GABBR2: variants seen among roughly 807,000 people sequenced by gnomAD.
The protein encoded by GABBR2 is G-protein coupled receptor 51.
A neutral mutation model predicts 105.6 loss-of-function variants in GABBR2; 23 were observed. The observed-to-expected ratio is 0.22, with a 90% CI of 0.16 to 0.31. The LOEUF (loss-of-function observed/expected upper bound fraction) is 0.31. Among genes scored for constraint, GABBR2 ranks in the 10% least tolerant of loss-of-function variants. GABBR2 has a pLI of 1.00. For missense variants in GABBR2, 734 were observed against 1,245.5 expected (o/e 0.59, Z 6.18); for synonymous variants, 478 against 499.7 (o/e 0.96, Z 0.58).
At chr9:98,648,087 G>A (rs7037804) in intron 1 of GABBR2, among the ~76,000 whole-genome samples, 2,719 of 69,548 alleles carry the variant, frequency 0.039, 87 homozygotes, top group African/African-American at 0.15. Context: ...CAGGGTGTGT[G>A]TGTGTGTGTG....
chr9:98,511,982 C>G (rs1278225750), intron 3 of GABBR2, among the ~76,000 whole-genome samples: 2 of 152,266 alleles, frequency 1.3e-5, no homozygotes, highest in East Asian at 1.9e-4. Context: ...CAATATCCTT[C>G]ATGAACATCG....
intron 1 of GABBR2, among the ~76,000 whole-genome samples, chr9:98,702,651 T>C (rs1830845893): frequency 6.6e-6 from 1 of 152,220 alleles, no homozygotes; most frequent in Non-Finnish European, 1.5e-5. Context: ...CTTTTTTGCT[T>C]CATCTTTGAT....
intron 10 of GABBR2, among the ~76,000 whole-genome samples, chr9:98,387,299 T>G (rs565970054): frequency 1.3e-5 from 2 of 152,268 alleles, no homozygotes; most frequent in Non-Finnish European, 2.9e-5. Flanking sequence ...ATGGTAACTT[T>G]CCCCCAGGAG....
chr9:98,417,178 TTGAA>T (rs1299092435), intron 7 of GABBR2, among the ~76,000 whole-genome samples: 1 of 151,930 alleles, frequency 6.6e-6, no homozygotes, highest in African/African-American at 2.4e-5. Context: ...TTGAGTTGAG[TTGAA>T]TGGACTGGGT....
intron 7 of GABBR2, among the ~76,000 whole-genome samples, chr9:98,441,372 A>G (rs1588163173): frequency 6.8e-6 from 1 of 146,286 alleles, no homozygotes; most frequent in Non-Finnish European, 1.5e-5. Flanking sequence ...TATTATTATT[A>G]TTTATTATTT....
intron 6 of GABBR2, among the ~76,000 whole-genome samples, chr9:98,468,251 G>C (rs989806835): frequency 4.6e-5 from 7 of 152,186 alleles, no homozygotes; most frequent in African/African-American, 1.7e-4. Context: ...GTGAGCTGGG[G>C]ACAGCTGGAT....
At chr9:98,577,744 C>T (rs1828940589) in intron 2 of GABBR2, among the ~76,000 whole-genome samples, 191 bp downstream of exon 2, 1 of 152,168 alleles carries the variant, frequency 6.6e-6, no homozygotes, top group Non-Finnish European at 1.5e-5. Context: ...CAGGGCTGCC[C>T]TTTAGAGACC....
intron 6 of GABBR2, among the ~76,000 whole-genome samples, chr9:98,463,845 G>A (rs892491334): frequency 3.4e-4 from 51 of 152,134 alleles, no homozygotes; most frequent in Admixed American, 1.2e-3. Context: ...TGTGTTGACC[G>A]GGCTGGTGTC....
At chr9:98,320,400 C>A (rs1830798450) in intron 13 of GABBR2, among the ~76,000 whole-genome samples, 1 of 151,828 alleles carries the variant, frequency 6.6e-6, no homozygotes, top group African/African-American at 2.4e-5. Context: ...CTAGTTCAAC[C>A]ACTGTGGAAG....
intron 1 of GABBR2, among the ~76,000 whole-genome samples, chr9:98,578,911 A>G (rs961025555): frequency 2.0e-5 from 3 of 152,214 alleles, no homozygotes; most frequent in African/African-American, 7.2e-5. Context: ...CAGTAGTTAA[A>G]TTCATAGAGA....
intron 3 of GABBR2, among the ~76,000 whole-genome samples, chr9:98,532,948 C>T (rs1392351256): frequency 5.3e-5 from 8 of 152,168 alleles, no homozygotes; most frequent in African/African-American, 7.2e-5. Context: ...TAAGCAAGCA[C>T]GTGGCAGGTT....
At chr9:98,638,620 A>G (rs2131834404) in intron 1 of GABBR2, among the ~76,000 whole-genome samples, 2 of 152,304 alleles carry the variant, frequency 1.3e-5, no homozygotes, top group South Asian at 4.2e-4. Flanking sequence ...ATGACAAGAT[A>G]ATGAAAGAAT....
chr9:98,545,988 T>C (rs1404029487), intron 2 of GABBR2, among the ~76,000 whole-genome samples: 1 of 152,256 alleles, frequency 6.6e-6, no homozygotes, highest in African/African-American at 2.4e-5. Flanking sequence ...ATTGAGGCTT[T>C]GAGTTAATTC....
Position 98,583,223 on chromosome 9 carries a change from C to T in GABBR2, c.322-5151G>A, listed in dbSNP as rs1437356559. 3.3e-5 allele frequency among the ~76,000 whole-genome samples: 5 copies of T among 152,226 alleles called. No individual in the cohort carries two copies. In the South Asian group the frequency reaches 8.3e-4, roughly 25 times the overall value. On this transcript the variant is annotated intron_variant, in intron 1 of 18. Coordinates refer to ENST00000259455, the MANE Select transcript of GABBR2 (RefSeq NM_005458.8). ...CACATGGATATATCTGTCCCATTTT[C>T]GATGCTATTTTCCCTTATCCTAATT...
At chr9:98,327,341 T>C (rs145203573) in intron 13 of GABBR2, among the ~76,000 whole-genome samples, 2 of 152,166 alleles carry the variant, frequency 1.3e-5, no homozygotes, top group South Asian at 2.1e-4. Flanking sequence ...AAACAGAACC[T>C]AAGCCTGCCC....
intron 1 of GABBR2, among the ~76,000 whole-genome samples, chr9:98,634,846 C>A (rs925178342): frequency 6.6e-6 from 1 of 152,150 alleles, no homozygotes; most frequent in Non-Finnish European, 1.5e-5. Context: ...TGCCTCTCCC[C>A]CTCTGTCACG....
At chr9:98,398,737 C>T (rs986840417) in intron 8 of GABBR2, among the ~76,000 whole-genome samples, 1 of 151,804 alleles carries the variant, frequency 6.6e-6, no homozygotes, top group Non-Finnish European at 1.5e-5. Flanking sequence ...AATCTGCTCC[C>T]TCTCCCTCTC....
At chr9:98,330,530 GACA>G (rs1831006207) in intron 13 of GABBR2, among the ~76,000 whole-genome samples, 1 of 152,088 alleles carries the variant, frequency 6.6e-6, no homozygotes, top group Non-Finnish European at 1.5e-5. Context: ...ACTTGCAACC[GACA>G]ACATCTAACA....
At chr9:98,423,942 T>A (rs1018838169) in intron 7 of GABBR2, among the ~76,000 whole-genome samples, 1 of 152,214 alleles carries the variant, frequency 6.6e-6, no homozygotes, top group Non-Finnish European at 1.5e-5. Flanking sequence ...TTCTGAGGGC[T>A]CCGTTCTGTT....
Sources: allele counts gnomAD v4.1 joint callset (sites outside exome capture counted in the v4.1 genomes callset), GRCh38; gene constraint gnomAD v4.1.1; transcripts MANE v1.5; gene names NCBI Gene and HGNC (gene_info 2026-07-23, HGNC 2026-07-21).